Variants in SLC28A1 observed in about 807,000 individuals in gnomAD.
The protein encoded by SLC28A1 is solute carrier family 28 member 1.
Under a neutral mutation model 74.8 loss-of-function variants are expected in SLC28A1, and 64 were observed. That is an observed-to-expected ratio of 0.86 (90% CI 0.70 to 1.05). The LOEUF is 1.05. Ranked by LOEUF, SLC28A1 falls within the 50% of genes least tolerant of loss-of-function variation. The pLI is 0.00. For synonymous variants in SLC28A1, 359 were observed against 335.0 expected (o/e 1.07, Z -0.78); for missense variants, 828 against 822.8 (o/e 1.01, Z -0.08).
chr15:84,917,905 A>C (rs1211667543), intron 9 of SLC28A1, among the ~76,000 whole-genome samples: 1 of 152,118 alleles, frequency 6.6e-6, no homozygotes, highest in East Asian at 1.9e-4. Context: ...TTCTAAAGGG[A>C]GAATGGGTGA....
chr15:84,922,827 C>T (rs1271543088), intron 11 of SLC28A1, among the ~76,000 whole-genome samples: 2 of 152,244 alleles, frequency 1.3e-5, no homozygotes, highest in African/African-American at 2.4e-5. Context: ...CTCTGCTATT[C>T]GCTTGCCTGG....
intron 6 of SLC28A1, chr15:84,895,667 G>C (rs1965921088): frequency 7.0e-7 from 1 of 1,419,240 alleles, no homozygotes; most frequent in Non-Finnish European, 9.2e-7. Flanking sequence ...GGAAAATTCA[G>C]ACTTCCCGCC....
chr15:84,923,773 C>A (rs1183927357), intron 11 of SLC28A1, among the ~76,000 whole-genome samples: 4 of 151,928 alleles, frequency 2.6e-5, no homozygotes, highest in South Asian at 2.1e-4. Flanking sequence ...CACAGGGGAG[C>A]ATTGTCAGGC....
intron 9 of SLC28A1, among the ~76,000 whole-genome samples, chr15:84,916,187 A>G (rs950059244): frequency 6.4e-5 from 9 of 140,614 alleles, no homozygotes; most frequent in African/African-American, 2.2e-4. Flanking sequence ...CTGGTCTCGA[A>G]CTCCTGACCT....
At chr15:84,899,183 A>G (rs1301656658) in intron 6 of SLC28A1, among the ~76,000 whole-genome samples, 2 of 140,212 alleles carry the variant, frequency 1.4e-5, no homozygotes, top group East Asian at 3.9e-4. Context: ...TCAGTAGCAG[A>G]GAAAAAAAAA....
intron 11 of SLC28A1, 72 bp downstream of exon 11, chr15:84,921,141 C>G: frequency 8.6e-7 from 1 of 1,156,784 alleles, no homozygotes; most frequent in East Asian, 2.4e-5. Context: ...CCTGGATCCC[C>G]AGAGCTCTGA....
At chr15:84,886,336 C>G in intron 1 of SLC28A1, 4 of 982,908 alleles carry the variant, frequency 4.1e-6, no homozygotes, top group Non-Finnish European at 4.8e-6. Flanking sequence ...AGATAAAATG[C>G]AAAAAGCTAA....
chr15:84,949,109 C>T (rs2079328923), downstream of SLC28A1, among the ~76,000 whole-genome samples: 1 of 152,210 alleles, frequency 6.6e-6, no homozygotes, highest in South Asian at 2.1e-4. Flanking sequence ...CCCATCCAGG[C>T]TTCCCTTCTC....
chr15:84,911,252 A>G lies in SLC28A1; in HGVS notation c.795+2457A>G, dbSNP rs1024864431. On this transcript the variant is annotated intron_variant, in intron 9 of 18. Coordinates refer to ENST00000394573, the MANE Select transcript of SLC28A1 (RefSeq NM_004213.5). Reference sequence around the variant, plus strand: ...TGCCTCCCTCTCTGGAAGGATGTGTACACACCTGCTGCTTGCATCTCTCCC... The same window carrying G: ...TGCCTCCCTCTCTGGAAGGATGTGTGCACACCTGCTGCTTGCATCTCTCCC... 9.8e-5 allele frequency among the ~76,000 whole-genome samples: 15 copies of G among 152,306 alleles called. 1 individual carries two copies. The highest frequency in any genetic ancestry group is 3.4e-4 in the African/African-American group (14 of 41,560).
intron 15 of SLC28A1, among the ~76,000 whole-genome samples, chr15:84,937,360 C>T (rs1359491544): frequency 6.6e-6 from 1 of 152,160 alleles, no homozygotes; most frequent in Non-Finnish European, 1.5e-5. Context: ...CATGAGTCTT[C>T]ACGTGGCTGC....
At chr15:84,941,787 G>A (rs938699746) in intron 15 of SLC28A1, among the ~76,000 whole-genome samples, 2 of 146,286 alleles carry the variant, frequency 1.4e-5, no homozygotes, top group Non-Finnish European at 3.0e-5. Context: ...CATGAGAATC[G>A]CTTGAACCCA....
intron 13 of SLC28A1, among the ~76,000 whole-genome samples, chr15:84,934,210 T>C (rs935598853): frequency 6.6e-6 from 1 of 152,182 alleles, no homozygotes; most frequent in African/African-American, 2.4e-5. Context: ...AGTTCTCACA[T>C]CTTAATGTCC....
At chr15:84,944,196 G>C (rs1973043491) in intron 16 of SLC28A1, among the ~76,000 whole-genome samples, 1 of 152,216 alleles carries the variant, frequency 6.6e-6, no homozygotes. Context: ...TACACTGCCT[G>C]GTGGTATAAT....
In SLC28A1 at chr15:84,935,380, C is replaced by T; in HGVS notation, c.1443C>T (p.Asp481=). 1 of 1,614,236 alleles carries T rather than the reference C, an allele frequency of 6.2e-7. No homozygotes were observed. The highest frequency in any genetic ancestry group is 8.5e-7 in the Non-Finnish European group (1 of 1,180,032). The change falls in exon 15 of 19, where the codon GAC becomes GAT. Residue 481 remains aspartate, a synonymous_variant. Transcript: ENST00000394573. ...TCTTGATGGGTGTGGCGTGGGAGGA[C>T]TGCCCAGTGGTAGCTGAGCTGCTGG... ...VAFLMGVAWE[D]CPVVAELLGI...
At chr15:84,950,150 C>T (rs561959553), downstream of SLC28A1, among the ~76,000 whole-genome samples, 14 of 152,252 alleles carry the variant, frequency 9.2e-5, no homozygotes, top group Non-Finnish European at 1.5e-4. Context: ...GGAAAGGCAG[C>T]GCTTGGATTG....
rs78715822 is a variant in SLC28A1, at chr15:84,919,988, C to G, written c.877-1001C>G. Among the ~76,000 whole-genome samples the G allele has an allele frequency of 5.5e-3, 835 of 152,168 alleles. 7 individuals are homozygous for G. Among genetic ancestry groups the G allele is most frequent in the African/African-American group, 0.019 (783 of 41,530 alleles). ...AAAGGGATTGAAACCATGCCCTCCA[C>G]AAAATGGTTGAAGGAATAGGGAATG... On this transcript the variant is annotated intron_variant, in intron 10 of 18. Transcript: ENST00000394573.
intron 9 of SLC28A1, among the ~76,000 whole-genome samples, chr15:84,916,243 T>TGAGCCACCATGCCTGGCC (rs1969088475): frequency 1.2e-5 from 1 of 81,694 alleles, no homozygotes; most frequent in African/African-American, 6.5e-5. Context: ...GGGATTACTT[T>TGAGCCACCATGCCTGGCC]TTTTTTTTTT....
At chr15:84,966,287 G>GAA in the SLC28A1 span, among the ~76,000 whole-genome samples, 21 of 152,024 alleles carry the variant, frequency 1.4e-4, no homozygotes, top group South Asian at 1.7e-3. Context: ...GGCTGGTCTT[G>GAA]AAATCCTGAC....
the SLC28A1 span, among the ~76,000 whole-genome samples, chr15:84,970,699 T>G: frequency 6.6e-6 from 1 of 152,062 alleles, no homozygotes; most frequent in Non-Finnish European, 1.5e-5. Flanking sequence ...AACTTTCCCT[T>G]CTAAAATCAT....
Sources: gnomAD v4.1 joint callset for allele counts (sites outside exome capture counted in the v4.1 genomes callset) on GRCh38, gnomAD v4.1.1 for gene constraint, MANE v1.5 for transcripts, NCBI Gene and HGNC (gene_info 2026-07-23, HGNC 2026-07-21) for gene names.